Variants in B3GALT1 observed in about 807,000 individuals in gnomAD.
B3GALT1 encodes the protein UDP-Gal:betaGlcNAc beta 1,3-galactosyltransferase, polypeptide 1.
B3GALT1 carries 10 observed loss-of-function variants against 23.2 expected under a neutral mutation model. The ratio of observed to expected loss-of-function variants is 0.43; its 90% CI spans 0.27 to 0.73. The LOEUF (loss-of-function observed/expected upper bound fraction) is 0.73. Among genes scored for constraint, B3GALT1 ranks in the 30% least tolerant of loss-of-function variants. The pLI is 0.21. For synonymous variants in B3GALT1, 156 were observed against 141.5 expected (o/e 1.10, Z -0.73); for missense variants, 299 against 405.4 (o/e 0.74, Z 2.25).
At chr2:167,581,919 G>A (rs561930811) in intron 2 of B3GALT1, among the ~76,000 whole-genome samples, 3 of 152,174 alleles carry the variant, frequency 2.0e-5, no homozygotes, top group South Asian at 2.1e-4. Flanking sequence ...TGTTAAGAAC[G>A]GTCTAACTGA....
intron 1 of B3GALT1, among the ~76,000 whole-genome samples, chr2:167,343,305 A>T (rs1697178321): frequency 6.6e-6 from 1 of 152,226 alleles, no homozygotes; most frequent in African/African-American, 2.4e-5. Flanking sequence ...TTTTAGGAAG[A>T]TGTTTATTAT....
chr2:167,782,543 T>C (rs528842602), intron 3 of B3GALT1, among the ~76,000 whole-genome samples: 1 of 152,342 alleles, frequency 6.6e-6, no homozygotes, highest in African/African-American at 2.4e-5. Flanking sequence ...ACAAATATTA[T>C]TTTCAAACAA....
chr2:167,643,310 CATGTT>C (rs915736533), intron 2 of B3GALT1, among the ~76,000 whole-genome samples: 6 of 152,116 alleles, frequency 3.9e-5, no homozygotes, highest in Non-Finnish European at 5.9e-5. Flanking sequence ...TGAAATTGAT[CATGTT>C]ATAAGTGGCA....
chr2:167,455,345 TATC>T (rs1699151263), intron 1 of B3GALT1, among the ~76,000 whole-genome samples: 1 of 152,206 alleles, frequency 6.6e-6, no homozygotes, highest in African/African-American at 2.4e-5. Flanking sequence ...ATGAAAATCT[TATC>T]ATTTTGGGAA....
intron 1 of B3GALT1, among the ~76,000 whole-genome samples, chr2:167,420,474 G>T (rs1430790251): frequency 1.3e-5 from 2 of 152,172 alleles, no homozygotes; most frequent in African/African-American, 4.8e-5. Context: ...AGATGGTGTG[G>T]TTTTGTTTTT....
At chr2:167,379,562 A>C (rs1045244640) in intron 1 of B3GALT1, among the ~76,000 whole-genome samples, 2 of 152,054 alleles carry the variant, frequency 1.3e-5, no homozygotes, top group African/African-American at 4.8e-5. Flanking sequence ...AGTTCAACCT[A>C]TAAACCCATA....
intron 2 of B3GALT1, among the ~76,000 whole-genome samples, chr2:167,571,597 T>TCTGG (rs1428459826): frequency 1.3e-5 from 2 of 151,886 alleles, no homozygotes; most frequent in Non-Finnish European, 2.9e-5. Context: ...ACACATGGGT[T>TCTGG]CTGATCAGTC....
At chr2:167,768,720 C>T (rs1045480770) in intron 3 of B3GALT1, among the ~76,000 whole-genome samples, 13 of 152,162 alleles carry the variant, frequency 8.5e-5, no homozygotes, top group South Asian at 2.1e-4. Flanking sequence ...TTCTTGGCAT[C>T]GTCACCAAAA....
chr2:167,533,329 T>A (rs1683363299), intron 2 of B3GALT1, among the ~76,000 whole-genome samples: 1 of 131,312 alleles, frequency 7.6e-6, no homozygotes, highest in Admixed American at 7.8e-5. Context: ...CTACTCCTAG[T>A]TTTCTGAGAG....
intron 1 of B3GALT1, among the ~76,000 whole-genome samples, chr2:167,406,674 C>CGGACA (rs1182677563): frequency 3.3e-5 from 5 of 152,144 alleles, no homozygotes; most frequent in African/African-American, 1.2e-4. Flanking sequence ...AATATCCCTG[C>CGGACA]GGACAGGCAG....
At chr2:167,380,326 G>A (rs1428270053) in intron 1 of B3GALT1, among the ~76,000 whole-genome samples, 6 of 152,186 alleles carry the variant, frequency 3.9e-5, no homozygotes, top group Non-Finnish European at 8.8e-5. Context: ...ACCCAGCGAT[G>A]GCACAGGCAG....
rs746364009 is a variant in B3GALT1, at chr2:167,869,241, A to C, written c.202A>C (p.Asn68His). 1 of 1,614,184 alleles carries C rather than the reference A, an allele frequency of 6.2e-7. No individual in the cohort carries two copies. The highest frequency in any genetic ancestry group is 8.5e-7 in the Non-Finnish European group (1 of 1,180,026). ...INPHSFEFLI[N>H]EPNKCEKNIP... ...CCCACATTCTTTTGAATTTCTTATCAACGAGCCCAATAAATGTGAGAAAAA... is the reference window on the plus strand; with the variant it reads ...CCCACATTCTTTTGAATTTCTTATCCACGAGCCCAATAAATGTGAGAAAAA... The change falls in exon 5 of 5, where the codon AAC (asparagine) becomes CAC (histidine). Residue 68 changes from asparagine to histidine, a missense_variant. Physicochemically the swap from Asn to His is moderately conservative, Grantham distance 68. This residue lies in a region of B3GALT1 where 162 missense variants were observed against 184.1 expected (regional missense o/e 0.88). Transcript: ENST00000392690. The surrounding 1 kb of genome is among the most constrained non-coding windows in gnomAD (Gnocchi z 6.4).
chr2:167,572,776 C>T (rs150126368), intron 2 of B3GALT1, among the ~76,000 whole-genome samples: 378 of 151,788 alleles, frequency 2.5e-3, no homozygotes, highest in African/African-American at 7.6e-3. Context: ...TATTTTTACT[C>T]CTAAGGTGAC....
At chr2:167,422,975 A>T (rs1698570219) in intron 1 of B3GALT1, among the ~76,000 whole-genome samples, 1 of 152,164 alleles carries the variant, frequency 6.6e-6, no homozygotes, top group Non-Finnish European at 1.5e-5. Flanking sequence ...AAAAGACATG[A>T]TCCATGCCAT....
chr2:167,550,846 G>C (rs2105380530), intron 2 of B3GALT1, among the ~76,000 whole-genome samples: 1 of 152,274 alleles, frequency 6.6e-6, no homozygotes, highest in Admixed American at 6.5e-5. Context: ...AGTAGGGTAG[G>C]CCAGCTTCTG....
intron 1 of B3GALT1, among the ~76,000 whole-genome samples, chr2:167,380,020 C>A (rs1178810206): frequency 6.6e-6 from 1 of 152,090 alleles, no homozygotes; most frequent in Non-Finnish European, 1.5e-5. Flanking sequence ...TCTCTGAATG[C>A]CTGAAGATCT....
At chr2:167,669,935 G>A (rs542624633) in intron 3 of B3GALT1, among the ~76,000 whole-genome samples, 1 of 152,200 alleles carries the variant, frequency 6.6e-6, no homozygotes, top group South Asian at 2.1e-4. Flanking sequence ...AAAGGGGCAT[G>A]GGCTCACAGA....
intron 1 of B3GALT1, among the ~76,000 whole-genome samples, chr2:167,485,210 A>G (rs1409750938): frequency 6.6e-6 from 1 of 152,154 alleles, no homozygotes; most frequent in Non-Finnish European, 1.5e-5. Context: ...TTTTTTCATT[A>G]AATATCAAAA....
chr2:167,322,338 C>G (rs1696827270), intron 1 of B3GALT1, among the ~76,000 whole-genome samples: 1 of 150,646 alleles, frequency 6.6e-6, no homozygotes, highest in Non-Finnish European at 1.5e-5. Flanking sequence ...TGGGATTCAT[C>G]TCTCTGAACG....
Sources: gnomAD v4.1 joint callset for allele counts (sites outside exome capture counted in the v4.1 genomes callset) on GRCh38, gnomAD v4.1.1 for gene constraint, gnomAD v4.1.1 regional missense constraint, Gnocchi (gnomAD v3.1) non-coding constraint, MANE v1.5 for transcripts, NCBI Gene and HGNC (gene_info 2026-07-23, HGNC 2026-07-21) for gene names.